RABEP1: variants seen among roughly 807,000 people sequenced by gnomAD.
RABEP1 encodes the protein rabaptin, RAB GTPase binding effector protein 1.
Under a neutral mutation model 123.4 loss-of-function variants are expected in RABEP1, and 51 were observed. The ratio of observed to expected loss-of-function variants is 0.41; its 90% confidence interval spans 0.33 to 0.52. RABEP1 has a LOEUF of 0.52. Among genes scored for constraint, RABEP1 ranks in the 20% least tolerant of loss-of-function variants. The pLI, the probability that RABEP1 is intolerant of heterozygous loss-of-function variation, is 0.16. For synonymous variants in RABEP1, 347 were observed against 355.2 expected, an observed-to-expected ratio of 0.98 and a Z score of 0.26; for missense variants, 888 against 996.3, an observed-to-expected ratio of 0.89 and a Z score of 1.46.
rs563022596 is a variant in RABEP1 at position 5,383,466 on chromosome 17, G to A, written c.*243G>A. On this transcript the variant is annotated 3_prime_UTR_variant, in exon 18 of 18. Coordinates refer to ENST00000537505, the MANE Select transcript of RABEP1 (RefSeq NM_004703.6). ...AACTCCAGGCTTGATTCCAACAGGC[G>A]TGGGATCAGATTTGGTGATGGAAAA... 7.2e-4 allele frequency: 318 copies of A among 443,306 alleles called. 4 individuals carry two copies. In the South Asian group the frequency reaches 8.6e-3, roughly 12 times the overall value. The allele number at this position is 443,306 out of a possible 1,614,324, so 27.5% of individuals were successfully genotyped here. A position where few individuals can be genotyped will look rare whatever the true frequency, so the allele number is the denominator to read the frequency against.
intron 1 of RABEP1, among the ~76,000 whole-genome samples, chr17:5,308,118 T>C (rs1027502124): frequency 5.3e-5 from 8 of 152,212 alleles, no homozygotes; most frequent in Admixed American, 1.3e-4. Context: ...AAAGGCACTT[T>C]AGAAGCTCTT....
rs1311834604 is a variant in RABEP1 at position 5,309,871 on chromosome 17, G to GAAATGC, written c.163+1055_163+1060dup. Among the ~76,000 whole-genome samples the GAAATGC allele has an allele frequency of 2.0e-5, 3 of 152,160 alleles. No individual in the cohort carries two copies. In the East Asian group the frequency reaches 5.8e-4, roughly 29 times the overall value. ...TCATCATCACCTGGGAAAGTTGTTA[G>GAAATGC]AAATGCAAATGTTTGGGTCCCACCC... is the stretch of plus-strand genomic sequence containing the variant. On this transcript the variant is annotated intron_variant, in intron 2 of 17. Transcript: ENST00000537505.
chr17:5,344,771 C>CA (rs1177790100), intron 5 of RABEP1, among the ~76,000 whole-genome samples: 9,029 of 45,428 alleles, frequency 0.2, 972 homozygotes, highest in African/African-American at 0.25. Flanking sequence ...GACACTGTCT[C>CA]AAAAAAAAAA....
At chr17:5,376,388 G>C (rs1220972532) in intron 13 of RABEP1, among the ~76,000 whole-genome samples, 1 of 152,178 alleles carries the variant, frequency 6.6e-6, no homozygotes, top group Admixed American at 6.5e-5. Flanking sequence ...TGTAATCCTT[G>C]ATTCTTGGAC....
rs764578056 is a variant in RABEP1 at position 5,361,392 on chromosome 17, A to G, written c.1280A>G (p.Lys427Arg). The change falls in exon 9 of 18, where the codon AAA (lysine) becomes AGA (arginine). Residue 427 changes from lysine to arginine, a missense_variant. By Grantham distance (26) the Lys-to-Arg change is conservative. Coordinates refer to ENST00000537505, the MANE Select transcript of RABEP1 (RefSeq NM_004703.6). ...LQSKALGYNYKAKSAGNLDES... is the reference protein window; with the variant it reads ...LQSKALGYNYRAKSAGNLDES... ...TCCAAAGCTTTAGGCTATAACTACA[A>G]AGCAAAATCTGCTGGAAACCTGGAC... 3 of 1,614,120 alleles carry G rather than the reference A, an allele frequency of 1.9e-6. No homozygotes were observed. The highest frequency in any genetic ancestry group is 2.2e-5 in the South Asian group (2 of 91,076).
intron 1 of RABEP1, among the ~76,000 whole-genome samples, chr17:5,282,765 T>TG (rs1024826070): frequency 2.1e-5 from 3 of 141,004 alleles, no homozygotes; most frequent in Admixed American, 1.4e-4. Flanking sequence ...GGGAAGGGCG[T>TG]GGGGAGGCTG....
intron 3 of RABEP1, among the ~76,000 whole-genome samples, chr17:5,334,977 G>A (rs924685511): frequency 2.0e-5 from 3 of 152,086 alleles, no homozygotes; most frequent in African/African-American, 4.8e-5. Context: ...TATGACACAG[G>A]TTTATTGTGA....
chr17:5,313,331 A>G (rs1201305973), intron 2 of RABEP1, among the ~76,000 whole-genome samples: 1 of 152,182 alleles, frequency 6.6e-6, no homozygotes, highest in Non-Finnish European at 1.5e-5. Context: ...ATGCTGGCTA[A>G]TGATATCCAT....
chr17:5,359,352 G>A (rs1909309033), intron 8 of RABEP1, among the ~76,000 whole-genome samples: 2 of 152,186 alleles, frequency 1.3e-5, no homozygotes, highest in Non-Finnish European at 2.9e-5. Context: ...GGGATTACGG[G>A]TGTGAGCCAC....
Position 5,346,795 on chromosome 17 carries a change from A to G in RABEP1, c.654A>G (p.Lys218=), listed in dbSNP as rs771601891. The G allele has an allele frequency of 1.4e-5, 22 of 1,560,538 alleles. No individual in the cohort carries two copies. The South Asian group carries it at 2.3e-4, about 17-fold the overall frequency. The change falls in exon 6 of 18, where the codon AAA becomes AAG. Residue 218 remains lysine, a synonymous_variant. Coordinates refer to ENST00000537505, the MANE Select transcript of RABEP1 (RefSeq NM_004703.6). ...GGAATTGCATCTTCTTTCAGGTTAA[A>G]GAACTGAATCATTATCTGGAAGCTG... The part of the protein sequence containing the change: ...KIKELEASKV[K]ELNHYLEAEK...
intron 5 of RABEP1, among the ~76,000 whole-genome samples, chr17:5,342,049 T>C (rs1907662110): frequency 1.3e-5 from 2 of 152,178 alleles, no homozygotes; most frequent in Non-Finnish European, 2.9e-5. Flanking sequence ...ATTGTCTGTA[T>C]AAAGAAACCA....
intron 15 of RABEP1, among the ~76,000 whole-genome samples, chr17:5,379,472 C>G (rs1262966504): frequency 1.3e-5 from 2 of 152,086 alleles, no homozygotes; most frequent in Non-Finnish European, 2.9e-5. Flanking sequence ...CTCTCCCGAG[C>G]TACCACTCTT....
intron 11 of RABEP1, among the ~76,000 whole-genome samples, chr17:5,367,535 C>T (rs1408415047): frequency 6.6e-6 from 1 of 151,642 alleles, no homozygotes; most frequent in African/African-American, 2.4e-5. Context: ...TCCCAAAGTG[C>T]TAGGATTACA....
At chr17:5,381,784 C>CA (rs1283561829) in intron 17 of RABEP1, 1 of 264,684 alleles carries the variant, frequency 3.8e-6, no homozygotes, top group Non-Finnish European at 6.9e-6. Context: ...CAACCAGGCC[C>CA]ACCCCTGTAT....
intron 12 of RABEP1, among the ~76,000 whole-genome samples, chr17:5,372,791 CTG>C (rs1910623441): frequency 1.3e-5 from 2 of 150,402 alleles, no homozygotes; most frequent in Admixed American, 6.6e-5. Flanking sequence ...GAGTCTTGCT[CTG>C]TGGCCCAGGA....
intron 1 of RABEP1, among the ~76,000 whole-genome samples, chr17:5,286,822 AGAT>A (rs1247693559): frequency 1.3e-5 from 2 of 152,224 alleles, no homozygotes; most frequent in Non-Finnish European, 2.9e-5. Flanking sequence ...ACGGGTTGTT[AGAT>A]GATAAGTGCA....
intron 7 of RABEP1, 82 bp downstream of exon 7, chr17:5,350,711 G>T: frequency 6.9e-7 from 1 of 1,446,286 alleles, no homozygotes. Context: ...ATGTGTATTA[G>T]AGACTGACTT....
chr17:5,340,076 G>A (rs1276884513), intron 5 of RABEP1, among the ~76,000 whole-genome samples: 2 of 152,166 alleles, frequency 1.3e-5, no homozygotes, highest in Non-Finnish European at 2.9e-5. Context: ...TATAGTAGCA[G>A]ATTAAAATTG....
chr17:5,297,164 T>G (rs1372646450), intron 1 of RABEP1, among the ~76,000 whole-genome samples: 1 of 152,246 alleles, frequency 6.6e-6, no homozygotes, highest in African/African-American at 2.4e-5. Flanking sequence ...TTAGGATAAA[T>G]TCTTGGTGGT....
Sources: allele counts gnomAD v4.1 joint callset (sites outside exome capture counted in the v4.1 genomes callset), GRCh38; gene constraint gnomAD v4.1.1; transcripts MANE v1.5; gene names NCBI Gene and HGNC (gene_info 2026-07-23, HGNC 2026-07-21).